LRRC37A2: variants seen among roughly 807,000 people sequenced by gnomAD.
LRRC37A2 encodes leucine rich repeat containing 37 member A2.
A neutral mutation model predicts 68.8 loss-of-function variants in LRRC37A2; 9 were observed. That is an observed-to-expected ratio of 0.13 (90% CI 0.08 to 0.23). The LOEUF is 0.23. Among genes scored for constraint, LRRC37A2 ranks in the 10% least tolerant of loss-of-function variants. The probability of loss-of-function intolerance (pLI) is 1.00; values close to 1 mark genes in which losing one functional copy is unlikely to be tolerated. For missense variants in LRRC37A2, 168 were observed against 950.4 expected, an observed-to-expected ratio of 0.18 and a Z score of 10.82; for synonymous variants, 63 against 367.6, an observed-to-expected ratio of 0.17 and a Z score of 9.48.
chr17:46,987,410 T>G, the LRRC37A2 span, among the ~76,000 whole-genome samples: 23 of 152,114 alleles, frequency 1.5e-4, no homozygotes, highest in African/African-American at 5.6e-4. Context: ...GCATTTACAT[T>G]TCCCCAGATT....
At chr17:46,833,435 CAGA>C in the LRRC37A2 span, 2 of 515,638 alleles carry the variant, frequency 3.9e-6, no homozygotes, top group Non-Finnish European at 7.7e-6. Flanking sequence ...TAAGAAGAAT[CAGA>C]AGGTGAGTGT....
the LRRC37A2 span, among the ~76,000 whole-genome samples, chr17:46,791,499 G>A: frequency 6.6e-5 from 10 of 152,188 alleles, no homozygotes; most frequent in East Asian, 1.6e-3. Flanking sequence ...GAGCCACCAC[G>A]CCCGGCCTCC....
the LRRC37A2 span, chr17:46,923,684 A>G: frequency 3.9e-6 from 3 of 766,174 alleles, no homozygotes; most frequent in Admixed American, 4.2e-5. Flanking sequence ...TAAAGACCAC[A>G]TTTTTATGGT....
chr17:46,560,305 T>G (rs2057485967), downstream of LRRC37A2: 1 of 11,510 alleles, frequency 8.7e-5, no homozygotes, highest in Non-Finnish European at 1.9e-4. Flanking sequence ...CACATAGTGC[T>G]AAGTATTTGG....
the LRRC37A2 span, among the ~76,000 whole-genome samples, chr17:47,044,328 T>C: frequency 6.6e-6 from 1 of 151,726 alleles, no homozygotes; most frequent in East Asian, 1.9e-4. Context: ...ATGTCTGATG[T>C]TTGATTGGAT....
chr17:46,520,967 G>A (rs1453344365), intron 4 of LRRC37A2, among the ~76,000 whole-genome samples: 1 of 81,470 alleles, frequency 1.2e-5, no homozygotes, highest in Non-Finnish European at 3.3e-5. Flanking sequence ...AGAATATTAA[G>A]CTACCAAGAG....
the LRRC37A2 span, among the ~76,000 whole-genome samples, chr17:46,812,907 A>G: frequency 6.6e-6 from 1 of 152,182 alleles, no homozygotes; most frequent in African/African-American, 2.4e-5. Context: ...TCAAAACCCT[A>G]TGAAATAGAG....
the LRRC37A2 span, among the ~76,000 whole-genome samples, chr17:46,762,027 G>A: frequency 6.6e-6 from 1 of 152,242 alleles, no homozygotes; most frequent in African/African-American, 2.4e-5. Context: ...TCCCTCTACG[G>A]CTTAGCTCTC....
the LRRC37A2 span, among the ~76,000 whole-genome samples, chr17:46,789,209 C>A: frequency 2.0e-5 from 3 of 152,046 alleles, no homozygotes; most frequent in Non-Finnish European, 2.9e-5. Context: ...CCAGAGGCCA[C>A]CCTCCCTGCC....
At chr17:46,942,925 T>C in the LRRC37A2 span, among the ~76,000 whole-genome samples, 3 of 152,240 alleles carry the variant, frequency 2.0e-5, no homozygotes, top group South Asian at 4.1e-4. Context: ...GAGCCATCCC[T>C]CCCCGCCTCA....
chr17:46,935,530 T>C, the LRRC37A2 span: 1 of 1,257,290 alleles, frequency 8.0e-7, no homozygotes, highest in Non-Finnish European at 1.0e-6. Context: ...TGTCCTTTGG[T>C]ACCTCGCTTT....
the LRRC37A2 span, among the ~76,000 whole-genome samples, chr17:46,597,719 G>T: frequency 1.2e-5 from 1 of 85,650 alleles, no homozygotes; most frequent in Non-Finnish European, 2.4e-5. Flanking sequence ...TGCCTAATTT[G>T]TTGAGAGTTT....
the LRRC37A2 span, among the ~76,000 whole-genome samples, chr17:46,977,722 C>G: frequency 1.3e-5 from 2 of 152,246 alleles, no homozygotes; most frequent in African/African-American, 2.4e-5. Context: ...ACTCATCTGT[C>G]CGCTATAAGG....
the LRRC37A2 span, among the ~76,000 whole-genome samples, chr17:46,598,851 A>C: frequency 6.8e-6 from 1 of 147,376 alleles, no homozygotes; most frequent in East Asian, 2.0e-4. Flanking sequence ...AATACTATAA[A>C]GTGTTTGGTA....
the LRRC37A2 span, among the ~76,000 whole-genome samples, chr17:46,992,956 A>T: frequency 8.6e-3 from 1,301 of 151,864 alleles, 27 homozygotes; most frequent in African/African-American, 0.03. Flanking sequence ...AATGTGTAGC[A>T]TGTGACTCCT....
At chr17:46,492,689 GT>G in the LRRC37A2 span, among the ~76,000 whole-genome samples, 94 of 107,800 alleles carry the variant, frequency 8.7e-4, no homozygotes, top group East Asian at 0.012. Context: ...GTTTTGTTTT[GT>G]TTTTTTTTTT....
At chr17:46,687,342 G>A in the LRRC37A2 span, among the ~76,000 whole-genome samples, 2 of 149,162 alleles carry the variant, frequency 1.3e-5, no homozygotes, top group Non-Finnish European at 3.0e-5. Context: ...CTATTTGGAG[G>A]CCTTTCCAAA....
chr17:46,869,102 C>A, the LRRC37A2 span, among the ~76,000 whole-genome samples: 1,390 of 152,258 alleles, frequency 9.1e-3, 17 homozygotes, highest in African/African-American at 0.032. Flanking sequence ...TGCCAGGGAG[C>A]CTTCTTTGAG....
At chr17:46,884,041 G>A in the LRRC37A2 span, among the ~76,000 whole-genome samples, 6 of 152,140 alleles carry the variant, frequency 3.9e-5, no homozygotes, top group African/African-American at 1.4e-4. Context: ...GAGTGGTGGA[G>A]GCCGGGCAGA....
Sources: allele counts gnomAD v4.1 joint callset (sites outside exome capture counted in the v4.1 genomes callset), GRCh38; gene constraint gnomAD v4.1.1; transcripts MANE v1.5; gene names NCBI Gene and HGNC (gene_info 2026-07-23, HGNC 2026-07-21).